Variants in PDE3A observed in about 807,000 individuals in gnomAD.
PDE3A encodes the protein phosphodiesterase 3A, also known as cGMP-inhibited 3',5'-cyclic phosphodiesterase 3A.
Under a neutral mutation model 98.3 loss-of-function variants are expected in PDE3A, and 43 were observed. The observed-to-expected ratio is 0.44, with a 90% confidence interval of 0.34 to 0.56. PDE3A has a LOEUF of 0.56. Among genes scored for constraint, PDE3A ranks in the 20% least tolerant of loss-of-function variants. PDE3A has a pLI of 0.01. For missense variants in PDE3A, 1,427 were observed against 1,440.7 expected (o/e 0.99, Z 0.15); for synonymous variants, 663 against 567.9 (o/e 1.17, Z -2.38).
chr12:20,494,127 T>C (rs1324783634), intron 1 of PDE3A, among the ~76,000 whole-genome samples: 1 of 152,238 alleles, frequency 6.6e-6, no homozygotes, highest in Non-Finnish European at 1.5e-5. Context: ...TTTTGAGTCA[T>C]CTAGATTAAG....
intron 5 of PDE3A, among the ~76,000 whole-genome samples, chr12:20,626,144 A>G (rs11045344): frequency 0.35 from 51,434 of 148,810 alleles, 9,330 homozygotes; most frequent in African/African-American, 0.4. Context: ...AAATTTTAAA[A>G]ACTTCCAAAG....
intron 1 of PDE3A, among the ~76,000 whole-genome samples, chr12:20,510,745 T>G (rs555620879): frequency 1.4e-4 from 22 of 152,034 alleles, no homozygotes; most frequent in African/African-American, 5.3e-4. Context: ...GATTTGTAGG[T>G]AGGAGGGCCT....
At chr12:20,652,447 T>G (rs1368948250) in intron 14 of PDE3A, among the ~76,000 whole-genome samples, 1 of 152,146 alleles carries the variant, frequency 6.6e-6, no homozygotes, top group Non-Finnish European at 1.5e-5. Flanking sequence ...CCTGACTTTT[T>G]AATGATTGCC....
chr12:20,458,409 A>C (rs1043468747), intron 1 of PDE3A, among the ~76,000 whole-genome samples: 3 of 151,468 alleles, frequency 2.0e-5, no homozygotes, highest in Non-Finnish European at 4.4e-5. Flanking sequence ...TTTTGGGTTG[A>C]TGTTAGACAA....
chr12:20,441,810 C>T (rs2067524), intron 1 of PDE3A, among the ~76,000 whole-genome samples: 42,676 of 152,044 alleles, frequency 0.28, 7,539 homozygotes, highest in East Asian at 0.49. Context: ...TTTAAACTAC[C>T]GAGATAAACC....
intron 1 of PDE3A, among the ~76,000 whole-genome samples, chr12:20,384,881 A>G (rs1022828656): frequency 1.3e-5 from 2 of 152,094 alleles, no homozygotes; most frequent in Non-Finnish European, 2.9e-5. Context: ...TTATGGCTGC[A>G]TAGTATTCCA....
At chr12:20,560,968 A>G (rs1462853375) in intron 2 of PDE3A, among the ~76,000 whole-genome samples, 1 of 151,810 alleles carries the variant, frequency 6.6e-6, no homozygotes, top group Non-Finnish European at 1.5e-5. Context: ...GTAAGCTTTG[A>G]AAAGAAAGTA....
intron 12 of PDE3A, among the ~76,000 whole-genome samples, chr12:20,648,244 A>C (rs1944822581): frequency 6.6e-6 from 1 of 151,180 alleles, no homozygotes; most frequent in South Asian, 2.1e-4. Flanking sequence ...TAACCTAGTT[A>C]CCTCTTGAGG....
At chr12:20,580,327 A>G (rs189957840) in intron 2 of PDE3A, among the ~76,000 whole-genome samples, 156 of 152,272 alleles carry the variant, frequency 1.0e-3, no homozygotes, top group Non-Finnish European at 1.3e-3. Flanking sequence ...AAAAAATAAT[A>G]AGGCACACAA....
In PDE3A at chr12:20,650,322, C is replaced by G. The variant is rs1244459309; in HGVS notation, c.2770-123C>G. ...ACATTTTTAAGTAGCTAGAGGTTCC[C>G]AATTATTTGGTATTATGATCCCTAT... is the stretch of plus-strand genomic sequence containing the variant. On this transcript the variant is annotated intron_variant, in intron 13 of 15. Transcript: ENST00000359062. 11 of 505,770 alleles carry G rather than the reference C, an allele frequency of 2.2e-5. No homozygotes were observed. The Admixed American group carries it at 3.9e-4, about 18-fold the overall frequency. The allele number at this position is 505,770 out of a possible 1,614,324, so 31.3% of individuals were successfully genotyped here. A position where few individuals can be genotyped will look rare whatever the true frequency, so the allele number is the denominator to read the frequency against.
intron 2 of PDE3A, among the ~76,000 whole-genome samples, chr12:20,610,059 A>C (rs1167105397): frequency 6.6e-6 from 1 of 152,002 alleles, no homozygotes; most frequent in Admixed American, 6.6e-5. Context: ...GCCACATCAA[A>C]CTAAATAGCT....
At position 20,368,716 on chromosome 12, in the gene PDE3A, C is replaced by G. The variant is rs1270344584; in HGVS notation, c.-569C>G. ...GTCCTGGGGCCGTGCCGGGGAGAAT[C>G]GGCCGAGGAGAAAGAAAGAGTGATA... is the stretch of plus-strand genomic sequence containing the variant. On this transcript the variant is annotated 5_prime_UTR_variant, in exon 1 of 16. In the 5' UTR this introduces an upstream ATG that the reference lacks. Transcript: ENST00000359062. Among the ~76,000 whole-genome samples the G allele has an allele frequency of 6.6e-6, 1 of 151,806 alleles. No homozygotes were observed. The highest frequency in any genetic ancestry group is 2.4e-5 in the African/African-American group (1 of 41,336).
In PDE3A at chr12:20,427,450, C is replaced by A. The variant is rs538695879; in HGVS notation, c.960+57206C>A. Among the ~76,000 whole-genome samples, 3 of 152,216 alleles carry A rather than the reference C, an allele frequency of 2.0e-5. No homozygotes were observed. In the East Asian group the frequency reaches 5.8e-4, roughly 29 times the overall value. ...CTTTACGTTTTACAGGCATGTTTTT[C>A]TTTCCATATTTCATTCTTGTATCTT... On this transcript the variant is annotated intron_variant, in intron 1 of 15. Coordinates refer to ENST00000359062, the MANE Select transcript of PDE3A (RefSeq NM_000921.5).
chr12:20,664,705 T>C (rs962874377), intron 15 of PDE3A, among the ~76,000 whole-genome samples: 1 of 152,138 alleles, frequency 6.6e-6, no homozygotes, highest in South Asian at 2.1e-4. Context: ...CCTGACACCA[T>C]GTAAGACATG....
chr12:20,534,695 C>T (rs1167496029), intron 1 of PDE3A, among the ~76,000 whole-genome samples: 2 of 152,144 alleles, frequency 1.3e-5, no homozygotes, highest in African/African-American at 4.8e-5. Flanking sequence ...TATAGATTAC[C>T]TATTTAAAGG....
At chr12:20,554,607 GAC>G (rs1460727021) in intron 1 of PDE3A, among the ~76,000 whole-genome samples, 2 of 148,918 alleles carry the variant, frequency 1.3e-5, no homozygotes, top group Non-Finnish European at 3.0e-5. Flanking sequence ...TTTTTTGTGA[GAC>G]AGGGTGTCAC....
At chr12:20,465,059 A>T (rs1945317178) in intron 1 of PDE3A, among the ~76,000 whole-genome samples, 1 of 152,220 alleles carries the variant, frequency 6.6e-6, no homozygotes, top group Admixed American at 6.5e-5. Flanking sequence ...TTTAAGGTTC[A>T]TCATACCCCA....
chr12:20,615,016 CTTTTTTTTTTTT>C lies in PDE3A; in HGVS notation c.1270-1202_1270-1191del, dbSNP rs11313010. Among the ~76,000 whole-genome samples the C allele has an allele frequency of 1.4e-4, 8 of 59,102 alleles. No homozygotes were observed. The East Asian group carries it at 2.6e-3, about 19-fold the overall frequency. The allele number at this position is 59,102 out of a possible 152,430, so 38.8% of individuals were successfully genotyped here. On this transcript the variant is annotated intron_variant, in intron 3 of 15. Coordinates refer to ENST00000359062, the MANE Select transcript of PDE3A (RefSeq NM_000921.5). ...TCTTTTTTTCTTTCTTTCTCTCTTTCTTTTTTTTTTTTTTTTTTTTTTTGAGACGGAGTCTTA... is the reference window on the plus strand; with the variant it reads ...TCTTTTTTTCTTTCTTTCTCTCTTTCTTTTTTTTTTTGAGACGGAGTCTTA...
At chr12:20,384,261 C>T (rs111483521) in intron 1 of PDE3A, among the ~76,000 whole-genome samples, 57 of 150,188 alleles carry the variant, frequency 3.8e-4, no homozygotes, top group Non-Finnish European at 4.4e-4. Context: ...ACCTGACATT[C>T]GGGAAAGTCA....
Sources: allele counts gnomAD v4.1 joint callset (sites outside exome capture counted in the v4.1 genomes callset), GRCh38; gene constraint gnomAD v4.1.1; transcripts MANE v1.5; gene names NCBI Gene and HGNC (gene_info 2026-07-23, HGNC 2026-07-21).